Variants in PACRG observed in about 807,000 individuals in gnomAD.
PACRG encodes parkin coregulated gene protein.
Under a neutral mutation model 29.7 loss-of-function variants are expected in PACRG, and 29 were observed. That is an observed-to-expected ratio of 0.98 (90% CI 0.73 to 1.33). PACRG has a LOEUF of 1.33. Ranked by LOEUF, PACRG falls within the 40% of genes most tolerant of loss-of-function variation. The probability of loss-of-function intolerance (pLI) is 0.00; values close to 1 mark genes in which losing one functional copy is unlikely to be tolerated. For synonymous variants in PACRG, 116 were observed against 118.7 expected (o/e 0.98, Z 0.15); for missense variants, 279 against 316.2 (o/e 0.88, Z 0.89).
At chr6:162,750,119 T>A (rs1002278531) in intron 1 of PACRG, among the ~76,000 whole-genome samples, 1 of 152,236 alleles carries the variant, frequency 6.6e-6, no homozygotes, top group Non-Finnish European at 1.5e-5. Flanking sequence ...ACTGATTTGT[T>A]CCGTGTACAT....
chr6:163,290,155 C>T (rs1367394626), intron 4 of PACRG, among the ~76,000 whole-genome samples: 2 of 152,148 alleles, frequency 1.3e-5, no homozygotes, highest in African/African-American at 2.4e-5. Context: ...CCACCACGCC[C>T]GGCCTCAGTC....
At chr6:162,963,622 TA>T (rs1162329126) in intron 2 of PACRG, among the ~76,000 whole-genome samples, 3 of 150,992 alleles carry the variant, frequency 2.0e-5, no homozygotes, top group Admixed American at 6.6e-5. Flanking sequence ...TATTTAAACA[TA>T]AAAAGTATAA....
chr6:162,898,912 G>A (rs1584699156), intron 2 of PACRG, among the ~76,000 whole-genome samples: 1 of 152,170 alleles, frequency 6.6e-6, no homozygotes, highest in Non-Finnish European at 1.5e-5. Context: ...TAGAAGTTTG[G>A]GTAATGTCCC....
At chr6:163,309,676 G>A (rs984454260) in intron 4 of PACRG, among the ~76,000 whole-genome samples, 26 of 152,168 alleles carry the variant, frequency 1.7e-4, no homozygotes, top group Admixed American at 6.5e-4. Flanking sequence ...TGTTTCCTGG[G>A]AGAATGTTTG....
chr6:163,033,942 A>C (rs4547986), intron 2 of PACRG, among the ~76,000 whole-genome samples: 25,445 of 152,218 alleles, frequency 0.17, 2,386 homozygotes, highest in East Asian at 0.26. Context: ...CAGAACAATA[A>C]AGAAAGACAC....
At chr6:162,836,471 C>A (rs947765678) in intron 2 of PACRG, among the ~76,000 whole-genome samples, 1 of 152,086 alleles carries the variant, frequency 6.6e-6, no homozygotes, top group Non-Finnish European at 1.5e-5. Context: ...TCCTCTTCTG[C>A]CTTCCATGAT....
chr6:162,879,440 C>G (rs950614511), intron 2 of PACRG, among the ~76,000 whole-genome samples: 2 of 152,230 alleles, frequency 1.3e-5, no homozygotes, highest in Non-Finnish European at 2.9e-5. Context: ...ATTCATGACT[C>G]TGTCTAGACA....
At chr6:162,893,391 C>T (rs893740416) in intron 2 of PACRG, among the ~76,000 whole-genome samples, 27 of 152,142 alleles carry the variant, frequency 1.8e-4, no homozygotes, top group Middle Eastern at 3.2e-3. Flanking sequence ...AAGGACTTCA[C>T]CCAGTTGCTC....
intron 4 of PACRG, among the ~76,000 whole-genome samples, chr6:163,220,271 C>T (rs764193069): frequency 2.0e-5 from 3 of 152,170 alleles, no homozygotes; most frequent in Non-Finnish European, 4.4e-5. Flanking sequence ...TATGCTCATG[C>T]TCACAAAGCC....
At chr6:162,958,881 A>ATATATT (rs1285995698) in intron 2 of PACRG, among the ~76,000 whole-genome samples, 2 of 16,846 alleles carry the variant, frequency 1.2e-4, no homozygotes, top group Non-Finnish European at 2.1e-4. Flanking sequence ...ATATATATAT[A>ATATATT]TATAGAGAGA....
chr6:163,199,124 C>G (rs1429893510), intron 4 of PACRG, among the ~76,000 whole-genome samples: 1 of 152,118 alleles, frequency 6.6e-6, no homozygotes, highest in Non-Finnish European at 1.5e-5. Flanking sequence ...TTCCCTTGAG[C>G]TTAGTGATTT....
At chr6:162,761,737 G>T (rs1056885899) in intron 1 of PACRG, among the ~76,000 whole-genome samples, 2 of 152,028 alleles carry the variant, frequency 1.3e-5, no homozygotes, top group Non-Finnish European at 2.9e-5. Flanking sequence ...AAGAGACCAA[G>T]ACCATCTTGG....
At chr6:163,123,344 G>T (rs537957889) in intron 4 of PACRG, among the ~76,000 whole-genome samples, 2 of 152,240 alleles carry the variant, frequency 1.3e-5, no homozygotes, top group Non-Finnish European at 2.9e-5. Flanking sequence ...CCGCCATGTC[G>T]GGTGGACCTG....
chr6:162,842,418 C>G (rs1789873444), intron 2 of PACRG, among the ~76,000 whole-genome samples: 1 of 151,664 alleles, frequency 6.6e-6, no homozygotes, highest in East Asian at 1.9e-4. Context: ...AGGATTGCAG[C>G]CCCTGCCTTT....
At chr6:162,734,841 C>T (rs1167273571) in intron 1 of PACRG, among the ~76,000 whole-genome samples, 4 of 152,180 alleles carry the variant, frequency 2.6e-5, no homozygotes, top group African/African-American at 9.6e-5. Context: ...AACCAACACC[C>T]AAATCCAGAA....
At chr6:162,844,276 C>G (rs34462734) in intron 2 of PACRG, among the ~76,000 whole-genome samples, 1 of 152,204 alleles carries the variant, frequency 6.6e-6, no homozygotes, top group Non-Finnish European at 1.5e-5. Context: ...ACCCTCCGAG[C>G]CAGGTGCGGG....
At chr6:163,162,421 A>G (rs185551638) in intron 4 of PACRG, among the ~76,000 whole-genome samples, 1 of 152,270 alleles carries the variant, frequency 6.6e-6, no homozygotes. Flanking sequence ...AATAACCCCA[A>G]TCCCCCTCAA....
chr6:162,967,366 G>A (rs1801129422), intron 2 of PACRG, among the ~76,000 whole-genome samples: 2 of 152,028 alleles, frequency 1.3e-5, no homozygotes, highest in African/African-American at 4.8e-5. Flanking sequence ...AAGTTAAACT[G>A]TTCTGTAGAT....
At chr6:162,778,102 A>T (rs1783790197) in intron 1 of PACRG, among the ~76,000 whole-genome samples, 1 of 152,190 alleles carries the variant, frequency 6.6e-6, no homozygotes, top group Non-Finnish European at 1.5e-5. Context: ...TGCCATATGA[A>T]TGAAGGTTTT....
Sources: allele counts gnomAD v4.1 joint callset (sites outside exome capture counted in the v4.1 genomes callset), GRCh38; gene constraint gnomAD v4.1.1; transcripts MANE v1.5; gene names NCBI Gene and HGNC (gene_info 2026-07-23, HGNC 2026-07-21).